The following ZFYVE26 variants were observed in gnomAD, a reference collection of about 807,000 sequenced individuals.
ZFYVE26 encodes the protein zinc finger FYVE-type containing 26.
In ZFYVE26, 181 loss-of-function variants were observed where a neutral mutation model predicts 276.5. The observed-to-expected ratio is 0.65, with a 90% CI of 0.58 to 0.74. The LOEUF is 0.74. ZFYVE26 is among the 30% of genes least tolerant of loss of function. The pLI is 0.00. For synonymous variants in ZFYVE26, 1,129 were observed against 1,203.1 expected (o/e 0.94, Z 1.27); for missense variants, 2,821 against 3,097.9 (o/e 0.91, Z 2.12).
At chr14:67,807,327 C>T (rs372608719) in intron 5 of ZFYVE26, 71 bp downstream of exon 5, 11 of 1,605,460 alleles carry the variant, frequency 6.9e-6, no homozygotes, top group East Asian at 6.7e-5. Flanking sequence ...AGGCAGCAGT[C>T]TAGAGCCTCC....
chr14:67,754,761 T>G (rs2038734929), intron 37 of ZFYVE26, among the ~76,000 whole-genome samples: 1 of 152,138 alleles, frequency 6.6e-6, no homozygotes, highest in Non-Finnish European at 1.5e-5. Context: ...GAGATAAAGA[T>G]GGTGACATCA....
chr14:67,798,059 C>G lies in ZFYVE26; in HGVS notation c.2203G>C (p.Glu735Gln). Residue 735 changes from glutamate (E) to glutamine (Q), a missense_variant, in exon 11 of 42, where the codon GAG (glutamate) becomes CAG (glutamine). By Grantham distance (29) the Glu-to-Gln change is conservative. Transcript: ENST00000347230. ...RLHRLSKVVS[E>Q]AQWRHKVVTS... Reference sequence around the variant, plus strand: ...ACCACCTTGTGTCTCCACTGGGCCTCAGAGACAACCTTGGAAAGTCGATGC... The same window carrying G: ...ACCACCTTGTGTCTCCACTGGGCCTGAGAGACAACCTTGGAAAGTCGATGC... The G allele has an allele frequency of 6.2e-7, 1 of 1,614,194 alleles. No individual in the cohort carries two copies. Among genetic ancestry groups the G allele is most frequent in the Non-Finnish European group, 8.5e-7 (1 of 1,180,042 alleles).
intron 13 of ZFYVE26, among the ~76,000 whole-genome samples, chr14:67,731,355 C>T (rs2085478596): frequency 6.6e-6 from 1 of 151,826 alleles, no homozygotes; most frequent in South Asian, 2.1e-4. Flanking sequence ...GCTGGGATTA[C>T]AGGTGCATGC....
chr14:67,812,880 T>C (rs1399375391), intron 3 of ZFYVE26, among the ~76,000 whole-genome samples: 1 of 152,206 alleles, frequency 6.6e-6, no homozygotes. Context: ...TTAGTTCAAG[T>C]TTTCTCTTTT....
intron 10 of ZFYVE26, chr14:67,799,523 A>T: frequency 1.3e-6 from 2 of 1,589,540 alleles, no homozygotes; most frequent in Non-Finnish European, 1.7e-6. Flanking sequence ...GGAAATGGAC[A>T]GTTTTCTGGC....
exon 14 of ZFYVE26, chr14:67,729,342 G>T: frequency 6.3e-7 from 1 of 1,598,772 alleles, no homozygotes; most frequent in Non-Finnish European, 8.5e-7. Context: ...ACTGCGCCCT[G>T]GCTGAGGGCC....
At chr14:67,769,045 A>T (rs1363458201) in intron 29 of ZFYVE26, among the ~76,000 whole-genome samples, 1 of 152,214 alleles carries the variant, frequency 6.6e-6, no homozygotes, top group Non-Finnish European at 1.5e-5. Context: ...GAAACAATTG[A>T]GCAACACTGA....
intron 38 of ZFYVE26, 142 bp downstream of exon 38, chr14:67,753,929 T>C (rs1216428756): frequency 2.0e-6 from 3 of 1,512,022 alleles, no homozygotes; most frequent in Non-Finnish European, 2.7e-6. Context: ...ATGGACCTGA[T>C]CACCAGTCTT....
intron 20 of ZFYVE26, among the ~76,000 whole-genome samples, chr14:67,783,920 C>A (rs2039579950): frequency 6.6e-6 from 1 of 152,138 alleles, no homozygotes; most frequent in Admixed American, 6.5e-5. Context: ...GATAAATTAT[C>A]CAAAATGGTT....
intron 38 of ZFYVE26, 72 bp from the exon 39 acceptor site, chr14:67,753,838 C>T: frequency 6.4e-7 from 1 of 1,551,134 alleles, no homozygotes; most frequent in Non-Finnish European, 8.9e-7. Flanking sequence ...AGAATGAAGG[C>T]CTCTATTTAT....
chr14:67,754,048 G>C (rs1221096757), intron 38 of ZFYVE26, 23 bp downstream of exon 38: 1 of 1,614,100 alleles, frequency 6.2e-7, no homozygotes. Flanking sequence ...TAGTCTGCCA[G>C]AGGTCTGAAA....
At chr14:67,787,246 G>A (rs563614572) in intron 16 of ZFYVE26, among the ~76,000 whole-genome samples, 7 of 151,962 alleles carry the variant, frequency 4.6e-5, no homozygotes, top group Non-Finnish European at 8.8e-5. Context: ...GCGGGGTTGT[G>A]GGGGAGGGCT....
intron 13 of ZFYVE26, among the ~76,000 whole-genome samples, chr14:67,732,488 G>C (rs747936731): frequency 2.2e-4 from 30 of 137,474 alleles, no homozygotes; most frequent in Non-Finnish European, 3.7e-4. Flanking sequence ...TTTTATGTAA[G>C]AGAGAAAGAG....
chr14:67,735,104 T>A, intron 13 of ZFYVE26: 1 of 768,682 alleles, frequency 1.3e-6, no homozygotes, highest in South Asian at 1.4e-5. Flanking sequence ...CAGCAAAGAA[T>A]GCAAAAGAAA....
chr14:67,760,115 GAAGT>G (rs2038894325), intron 35 of ZFYVE26, among the ~76,000 whole-genome samples: 1 of 152,170 alleles, frequency 6.6e-6, no homozygotes, highest in South Asian at 2.1e-4. Context: ...CCAAGCTAAT[GAAGT>G]AAGCAGCTTA....
At chr14:67,751,203 G>T in intron 40 of ZFYVE26, 107 bp from the exon 41 acceptor site, 1 of 1,328,852 alleles carries the variant, frequency 7.5e-7, no homozygotes, top group Non-Finnish European at 1.1e-6. Context: ...GAATGAAAAT[G>T]TCTGCCTGAC....
chr14:67,800,871 A>C (rs2040062439), intron 10 of ZFYVE26, among the ~76,000 whole-genome samples: 2 of 152,024 alleles, frequency 1.3e-5, no homozygotes, highest in Admixed American at 6.6e-5. Flanking sequence ...TGTTTGAAGC[A>C]TCTGTCTTCA....
At chr14:67,762,966 G>T in intron 32 of ZFYVE26, 147 bp from the exon 33 acceptor site, 1 of 1,149,024 alleles carries the variant, frequency 8.7e-7, no homozygotes, top group Non-Finnish European at 1.3e-6. Context: ...GCAGTGGTCC[G>T]ATCTCGGCTC....
At position 67,780,344 on chromosome 14, in the gene ZFYVE26, A is replaced by G. The variant is rs1445228737; in HGVS notation, c.4571T>C (p.Ile1524Thr). ...KLAELQVYQKILGLQSPPVWC... is the reference protein window; with the variant it reads ...KLAELQVYQKTLGLQSPPVWC... ...CACTGGGGGAGACTGCAAACCCAGA[A>G]TCTAAGGAAAGACAAGAAAATCCGT... The change falls in exon 23 of 42, where the codon ATT (isoleucine) becomes ACT (threonine). Residue 1524 changes from isoleucine to threonine, a missense_variant and splice_region_variant. Ile to Thr is a moderately conservative substitution (Grantham distance 89). Coordinates refer to ENST00000347230, the MANE Select transcript of ZFYVE26 (RefSeq NM_015346.4). The G allele has an allele frequency of 1.9e-6, 3 of 1,612,846 alleles. No individual in the cohort carries two copies. The East Asian group carries it at 6.7e-5, about 36-fold the overall frequency.
Sources: gnomAD v4.1 joint callset for allele counts (sites outside exome capture counted in the v4.1 genomes callset) on GRCh38, gnomAD v4.1.1 for gene constraint, MANE v1.5 for transcripts, NCBI Gene and HGNC (gene_info 2026-07-23, HGNC 2026-07-21) for gene names.